Variants in ITIH2 observed in about 807,000 individuals in gnomAD.
ITIH2 encodes inter-alpha-trypsin inhibitor heavy chain H2.
In ITIH2, 103 loss-of-function variants were observed where a neutral mutation model predicts 104.4. That is an observed-to-expected ratio of 0.99 (90% CI 0.84 to 1.16). The LOEUF is 1.16. ITIH2 is among the 50% of genes most tolerant of loss of function. The pLI is 0.00. For missense variants in ITIH2, 1,108 were observed against 1,162.4 expected (o/e 0.95, Z 0.68); for synonymous variants, 436 against 435.4 (o/e 1.00, Z -0.02).
At chr10:7,739,058 G>A (rs1400947213) in intron 16 of ITIH2, among the ~76,000 whole-genome samples, 1 of 152,226 alleles carries the variant, frequency 6.6e-6, no homozygotes, top group Non-Finnish European at 1.5e-5. Flanking sequence ...CTTTGTGAGA[G>A]TTTTGGTGGC....
Position 7,746,637 on chromosome 10 carries a change from C to G in ITIH2, c.2626C>G (p.Pro876Ala), listed in dbSNP as rs1439941417. Residue 876 changes from proline (P) to alanine (A), a missense_variant, in exon 20 of 21, where the codon CCA becomes GCA. Coordinates refer to ENST00000358415, the MANE Select transcript of ITIH2 (RefSeq NM_002216.3). ...AAAGATACACATCTTCAATGAGAGA[C>G]CAGGAAAGGACCCTGAGAAGCCAGA... Reference protein sequence around the residue: ...EPKIHIFNERPGKDPEKPEAS... With the variant: ...EPKIHIFNERAGKDPEKPEAS... 2 of 1,613,844 alleles carry G rather than the reference C, an allele frequency of 1.2e-6. No individual in the cohort carries two copies. Among genetic ancestry groups the G allele is most frequent in the East Asian group, 4.5e-5 (2 of 44,870 alleles).
In ITIH2 at chr10:7,749,299, G is replaced by A. The variant is rs767298949; in HGVS notation, c.2806G>A (p.Val936Met). The A allele has an allele frequency of 3.7e-6, 6 of 1,614,120 alleles. No individual in the cohort carries two copies. In the South Asian group the frequency reaches 4.4e-5, roughly 12 times the overall value. Reference protein sequence around the residue: ...FIDGHYKDYFVPQLYSFLKRP With the variant: ...FIDGHYKDYFMPQLYSFLKRP ...TGACGGGCATTACAAGGATTACTTCGTGCCTCAGCTCTACAGCTTTCTCAA... is the reference window on the plus strand; with the variant it reads ...TGACGGGCATTACAAGGATTACTTCATGCCTCAGCTCTACAGCTTTCTCAA... The change falls in exon 21 of 21, where the codon GTG becomes ATG. Residue 936 changes from valine (V) to methionine (M), a missense_variant. Transcript: ENST00000358415.
At chr10:7,740,973 G>A (rs1324860648) in intron 16 of ITIH2, among the ~76,000 whole-genome samples, 3 of 152,142 alleles carry the variant, frequency 2.0e-5, no homozygotes, top group Admixed American at 1.3e-4. Flanking sequence ...CTTCGTTTCT[G>A]TTGTCTTGAA....
chr10:7,730,891 C>T (rs1463981742), intron 12 of ITIH2, among the ~76,000 whole-genome samples: 5 of 152,034 alleles, frequency 3.3e-5, no homozygotes, highest in African/African-American at 1.2e-4. Flanking sequence ...TTTTTTGAGA[C>T]AGAGTCTTGC....
intron 1 of ITIH2, among the ~76,000 whole-genome samples, chr10:7,703,748 C>A (rs374597720): frequency 5.9e-5 from 9 of 152,282 alleles, no homozygotes; most frequent in African/African-American, 1.9e-4. Flanking sequence ...GGCATCAGAG[C>A]GTAGCATTTA....
intron 13 of ITIH2, 150 bp from the exon 14 acceptor site, chr10:7,732,188 C>A: frequency 1.0e-6 from 1 of 998,296 alleles, no homozygotes; most frequent in Non-Finnish European, 1.5e-6. Context: ...AAGCCCAATC[C>A]CAAGCACAGG....
chr10:7,715,236 C>T (rs1388070586), intron 5 of ITIH2, among the ~76,000 whole-genome samples: 2 of 152,138 alleles, frequency 1.3e-5, no homozygotes, highest in Admixed American at 6.5e-5. Context: ...TCCTGGCCAA[C>T]ATGGTGAAAC....
At position 7,730,603 on chromosome 10, in the gene ITIH2, C is replaced by T. The variant is rs993858551; in HGVS notation, c.1461+470C>T. ...TGGAGGCCAAGGTGGGAGGATCACT[C>T]GAGCCCAGAGGTTTAAGGCCAGCTT... On this transcript the variant is annotated intron_variant, in intron 12 of 20. Coordinates refer to ENST00000358415, the MANE Select transcript of ITIH2 (RefSeq NM_002216.3). Among the ~76,000 whole-genome samples the T allele has an allele frequency of 1.1e-4, 16 of 152,232 alleles. 1 individual carries two copies. The East Asian group carries it at 1.9e-3, about 18-fold the overall frequency.
intron 13 of ITIH2, 71 bp from the exon 14 acceptor site, chr10:7,732,267 A>G (rs1835010578): frequency 6.7e-7 from 1 of 1,483,346 alleles, no homozygotes; most frequent in East Asian, 2.3e-5. Context: ...CGCAGCAGGT[A>G]CTAAAAATGT....
At chr10:7,717,599 A>T in intron 5 of ITIH2, 27 bp from the exon 6 acceptor site, 1 of 1,604,696 alleles carries the variant, frequency 6.2e-7, no homozygotes, top group Non-Finnish European at 8.5e-7. Context: ...GTATCTGTTG[A>T]CTTTTGTTGG....
chr10:7,717,849 T>G (rs1834865906), intron 6 of ITIH2, 61 bp downstream of exon 6: 1 of 1,500,858 alleles, frequency 6.7e-7, no homozygotes. Context: ...TGACCCTGAT[T>G]TATACTTTCT....
At chr10:7,723,732 C>T (rs77536729) in intron 9 of ITIH2, among the ~76,000 whole-genome samples, 165 bp downstream of exon 9, 5,782 of 152,204 alleles carry the variant, frequency 0.038, 338 homozygotes, top group African/African-American at 0.13. Flanking sequence ...GCTATTATTG[C>T]ATTTCACAGG....
At chr10:7,735,836 C>A (rs36115375) in intron 15 of ITIH2, among the ~76,000 whole-genome samples, 10,535 of 151,988 alleles carry the variant, frequency 0.069, 473 homozygotes, top group East Asian at 0.24. Context: ...CCACGCCCAG[C>A]TAATTTTTTG....
rs148805990 is a variant in ITIH2 at position 7,710,300 on chromosome 10, C to T, written c.362+1109C>T. Among the ~76,000 whole-genome samples the T allele has an allele frequency of 9.2e-5, 14 of 152,284 alleles. No homozygotes were observed. In the East Asian group the frequency reaches 1.2e-3, roughly 13 times the overall value. On this transcript the variant is annotated intron_variant, in intron 4 of 20. Transcript: ENST00000358415. ...TATTTTCTGTGTGTTTGAAATTTTT[C>T]GTAATAAAAGAAGGTTAAACTACTC...
In ITIH2 at chr10:7,727,790, C is replaced by A; in HGVS notation, c.1241C>A (p.Ser414Ter). ...NLGLLDPNSV[S>*]LIILVSDGDP... ...GGACTGTTAGACCCCAACTCCGTCT[C>A]GCTGATCATTTTGGTTTCTGATGGA... is the stretch of plus-strand genomic sequence containing the variant. The change falls in exon 11 of 21, where the codon TCG (serine) becomes TAG (stop). Residue 414 changes from serine to a stop codon, truncating the protein, a stop_gained. Transcript: ENST00000358415. LOFTEE classifies it high-confidence loss of function. 1 of 1,614,148 alleles carries A rather than the reference C, an allele frequency of 6.2e-7. No homozygotes were observed. The highest frequency in any genetic ancestry group is 8.5e-7 in the Non-Finnish European group (1 of 1,179,982).
intron 20 of ITIH2, among the ~76,000 whole-genome samples, chr10:7,747,219 T>C (rs1465106599): frequency 6.6e-6 from 1 of 152,170 alleles, no homozygotes; most frequent in Admixed American, 6.5e-5. Context: ...AATCTTGATA[T>C]TTTTTCCCAG....
At chr10:7,726,326 C>T (rs559259114) in intron 9 of ITIH2, among the ~76,000 whole-genome samples, 1 of 152,248 alleles carries the variant, frequency 6.6e-6, no homozygotes, top group Non-Finnish European at 1.5e-5. Flanking sequence ...AGGCAAAGGA[C>T]AATTGCTGGA....
Position 7,731,959 on chromosome 10 carries a change from A to C in ITIH2, c.1610A>C (p.Lys537Thr). 6.2e-7 allele frequency: 1 copy of C among 1,613,998 alleles called. No individual in the cohort carries two copies. The highest frequency in any genetic ancestry group is 8.5e-7 in the Non-Finnish European group (1 of 1,179,948). ...GTGGCAGGAAAATTTGACCCTGCTA[A>C]ATTGGATCAAATAGAGAGCGTTATC... The part of the protein sequence containing the change: ...IVVAGKFDPA[K>T]LDQIESVITA... The change falls in exon 13 of 21, where the codon AAA (lysine) becomes ACA (threonine). Residue 537 changes from lysine (K) to threonine (T), a missense_variant. Transcript: ENST00000358415.
chr10:7,744,054 G>C (rs1162619511), intron 17 of ITIH2, 28 bp from the exon 18 acceptor site: 3 of 1,590,308 alleles, frequency 1.9e-6, no homozygotes, highest in Non-Finnish European at 2.6e-6. Context: ...GCACAGAAGA[G>C]AAAACATCAT....
Sources: allele counts gnomAD v4.1 joint callset (sites outside exome capture counted in the v4.1 genomes callset), GRCh38; gene constraint gnomAD v4.1.1; transcripts MANE v1.5; gene names NCBI Gene and HGNC (gene_info 2026-07-23, HGNC 2026-07-21).